The following RFX8 variants were observed in gnomAD, a reference collection of about 807,000 sequenced individuals.
RFX8 encodes DNA-binding protein RFX8.
A neutral mutation model predicts 54.6 loss-of-function variants in RFX8; 46 were observed. The ratio of observed to expected loss-of-function variants is 0.84; its 90% CI spans 0.67 to 1.08. The LOEUF (loss-of-function observed/expected upper bound fraction) is 1.08. Among genes scored for constraint, RFX8 ranks in the 50% least tolerant of loss-of-function variants. The pLI is 0.00. For missense variants in RFX8, 536 were observed against 562.3 expected (o/e 0.95, Z 0.47); for synonymous variants, 192 against 209.5 (o/e 0.92, Z 0.72).
chr2:101,402,553 G>C lies in RFX8; in HGVS notation c.1128C>G (p.Ser376Arg). The change falls in exon 11 of 12, where the codon AGC becomes AGG. Residue 376 changes from serine to arginine, a missense_variant. Physicochemically the swap from Ser to Arg is moderately radical, Grantham distance 110. Coordinates refer to ENST00000428343, the MANE Select transcript of RFX8 (RefSeq NM_001145664.2). ...SSLSQACASP[S>R]MEPLGVMPTH... ...TGGGCATCACCCCCAGTGGCTCCAT[G>C]CTGGGGCTGGCACACGCCTGCGACA... 3 of 1,551,832 alleles carry C rather than the reference G, an allele frequency of 1.9e-6. No homozygotes were observed. Among genetic ancestry groups the C allele is most frequent in the Non-Finnish European group, 2.6e-6 (3 of 1,147,008 alleles).
intron 2 of RFX8, among the ~76,000 whole-genome samples, chr2:101,437,264 C>T (rs6543057): frequency 0.76 from 114,569 of 151,368 alleles, 44,267 homozygotes; most frequent in Middle Eastern, 0.88. Flanking sequence ...CAATAAGACC[C>T]GTCTCTTACA....
intron 2 of RFX8, among the ~76,000 whole-genome samples, chr2:101,447,560 G>T (rs766899003): frequency 6.6e-6 from 1 of 152,106 alleles, no homozygotes; most frequent in Non-Finnish European, 1.5e-5. Flanking sequence ...ATGCATCAGG[G>T]TGTTTAGCAT....
chr2:101,449,744 C>A (rs1456024437), intron 2 of RFX8, among the ~76,000 whole-genome samples: 1 of 151,936 alleles, frequency 6.6e-6, no homozygotes, highest in Non-Finnish European at 1.5e-5. Context: ...CATCCACCTG[C>A]AGGAGGCCAT....
At chr2:101,432,251 A>G (rs11123878) in intron 2 of RFX8, among the ~76,000 whole-genome samples, 10,338 of 152,232 alleles carry the variant, frequency 0.068, 583 homozygotes, top group East Asian at 0.23. Flanking sequence ...ACAAAGAACC[A>G]CAAAAATATT....
chr2:101,402,731 A>T lies in RFX8; in HGVS notation c.950T>A (p.Leu317Ter). 6.5e-7 allele frequency: 1 copy of T among 1,547,394 alleles called. No individual in the cohort carries two copies. Among genetic ancestry groups the T allele is most frequent in the Non-Finnish European group, 8.7e-7 (1 of 1,143,066 alleles). ...ATGAATCATATATTCCAAAAGCAACAAGTGAAACAGATGCCAGGAGCCTAC... is the reference window on the plus strand; with the variant it reads ...ATGAATCATATATTCCAAAAGCAACTAGTGAAACAGATGCCAGGAGCCTAC... ...DSFGSWHLFH[L>*]LLLEYMIHIL... The change falls in exon 11 of 12, where the codon TTG (leucine) becomes TAG (stop). Residue 317 changes from leucine (L) to a stop codon, truncating the protein, a stop_gained. Coordinates refer to ENST00000428343, the MANE Select transcript of RFX8 (RefSeq NM_001145664.2). LOFTEE classifies it high-confidence loss of function.
At chr2:101,458,612 A>T (rs1211532268) in intron 2 of RFX8, among the ~76,000 whole-genome samples, 2 of 152,140 alleles carry the variant, frequency 1.3e-5, no homozygotes, top group Admixed American at 1.3e-4. Context: ...TTTGTGGGTA[A>T]CTCGACCTTT....
intron 2 of RFX8, among the ~76,000 whole-genome samples, chr2:101,434,522 A>G (rs1182869915): frequency 2.2e-5 from 2 of 92,018 alleles, no homozygotes; most frequent in Non-Finnish European, 5.5e-5. Flanking sequence ...GTCAAGCTTC[A>G]CTGGCAGACA....
intron 2 of RFX8, among the ~76,000 whole-genome samples, chr2:101,430,919 C>A (rs1191562383): frequency 6.6e-6 from 1 of 152,144 alleles, no homozygotes; most frequent in Non-Finnish European, 1.5e-5. Flanking sequence ...GAAATTTAAT[C>A]AGCAAAATAT....
At chr2:101,458,942 C>T (rs2148983812) in intron 2 of RFX8, among the ~76,000 whole-genome samples, 1 of 152,186 alleles carries the variant, frequency 6.6e-6, no homozygotes, top group South Asian at 2.1e-4. Context: ...CTTGTCTTTT[C>T]ACTTTATTTC....
intron 1 of RFX8, among the ~76,000 whole-genome samples, chr2:101,471,548 G>A (rs1689991858): frequency 6.6e-6 from 1 of 152,208 alleles, no homozygotes; most frequent in Non-Finnish European, 1.5e-5. Flanking sequence ...GGCTCAGCAT[G>A]CATTGGGATT....
rs530834394 is a variant in RFX8, at chr2:101,414,878, C to G, written c.537G>C (p.Lys179Asn). 3.2e-5 allele frequency: 49 copies of G among 1,550,622 alleles called. No individual in the cohort carries two copies. Among genetic ancestry groups the G allele is most frequent in the Non-Finnish European group, 4.2e-5 (48 of 1,146,562 alleles). Residue 179 changes from lysine to asparagine, a missense_variant, in exon 7 of 12, where the codon AAG (lysine) becomes AAC (asparagine). Lys to Asn is a moderately conservative substitution (Grantham distance 94). Coordinates refer to ENST00000428343, the MANE Select transcript of RFX8 (RefSeq NM_001145664.2). ...CCTTAGCCATGTTGGAAAGGTACGT[C>G]TTTCTTCTTAGTCTTTTGACAAATA... ...VTLFVKRLRR[K>N]TYLSNMAKTM... is the part of the protein sequence containing the mutation.
chr2:101,407,741 G>C (rs1166871927), intron 9 of RFX8, among the ~76,000 whole-genome samples: 1 of 152,064 alleles, frequency 6.6e-6, no homozygotes, highest in African/African-American at 2.4e-5. Flanking sequence ...AGCATCGAGG[G>C]ATGCAGCTCT....
chr2:101,429,654 G>A lies in RFX8; in HGVS notation c.73-7182C>T, dbSNP rs182099394. Among the ~76,000 whole-genome samples, 82 of 152,230 alleles carry A rather than the reference G, an allele frequency of 5.4e-4. 1 individual carries two copies. Among genetic ancestry groups the A allele is most frequent in the Admixed American group, 1.0e-3 (16 of 15,282 alleles). On this transcript the variant is annotated intron_variant, in intron 2 of 11. Coordinates refer to ENST00000428343, the MANE Select transcript of RFX8 (RefSeq NM_001145664.2). Reference sequence around the variant, plus strand: ...CAGAGGTGGTGGTGTCTCCTCCCACGTCCCCGTCACTCAGCTCCAGAGTTA... The same window carrying A: ...CAGAGGTGGTGGTGTCTCCTCCCACATCCCCGTCACTCAGCTCCAGAGTTA...
intron 2 of RFX8, among the ~76,000 whole-genome samples, chr2:101,447,916 C>T (rs181859379): frequency 6.6e-6 from 1 of 152,342 alleles, no homozygotes. Flanking sequence ...CCAGTTCTTG[C>T]TCTTGGCTTC....
chr2:101,467,132 C>T (rs1465750063), intron 1 of RFX8, among the ~76,000 whole-genome samples: 1 of 152,142 alleles, frequency 6.6e-6, no homozygotes, highest in Non-Finnish European at 1.5e-5. Flanking sequence ...AAGCCCATAA[C>T]GTGTTTCTGT....
chr2:101,414,620 G>A (rs1487698178), intron 7 of RFX8, among the ~76,000 whole-genome samples: 1 of 152,092 alleles, frequency 6.6e-6, no homozygotes, highest in Admixed American at 6.5e-5. Flanking sequence ...CCTGCCCTGA[G>A]AGAGCCAGGA....
intron 2 of RFX8, among the ~76,000 whole-genome samples, chr2:101,454,737 T>C (rs1688875315): frequency 6.6e-6 from 1 of 152,216 alleles, no homozygotes; most frequent in South Asian, 2.1e-4. Flanking sequence ...CACTTTTTGA[T>C]GGGGTTGTTT....
rs1233680810 is a variant in RFX8 at position 101,469,001 on chromosome 2, TAC to T, written c.-52-2103_-52-2102del. ...AAGTATATATATATAAGTATATATATACGTATATATATATAGGTATATATATA... is the reference window on the plus strand; with the variant it reads ...AAGTATATATATATAAGTATATATATGTATATATATATAGGTATATATATA... On this transcript the variant is annotated intron_variant, in intron 1 of 11. Transcript: ENST00000428343. Among the ~76,000 whole-genome samples, 220 of 31,662 alleles carry T rather than the reference TAC, an allele frequency of 6.9e-3. 1 individual carries two copies. Among genetic ancestry groups the T allele is most frequent in the Non-Finnish European group, 0.018 (188 of 10,382 alleles). 20.8% of individuals were successfully genotyped at this position (31,662 alleles called of 152,430 possible).
At chr2:101,414,934 G>A (rs1287090203) in intron 6 of RFX8, 22 bp from the exon 7 acceptor site, 3 of 1,530,442 alleles carry the variant, frequency 2.0e-6, no homozygotes, top group East Asian at 4.9e-5. Flanking sequence ...AACACACGTG[G>A]CCATTAATAC....
Sources: allele counts gnomAD v4.1 joint callset (sites outside exome capture counted in the v4.1 genomes callset), GRCh38; gene constraint gnomAD v4.1.1; transcripts MANE v1.5; gene names NCBI Gene and HGNC (gene_info 2026-07-23, HGNC 2026-07-21).